Variants in NFIX observed in about 807,000 individuals in gnomAD.
NFIX encodes nuclear factor 1 X-type.
NFIX carries 2 observed loss-of-function variants against 53.3 expected under a neutral mutation model. The ratio of observed to expected loss-of-function variants is 0.04; its 90% confidence interval spans 0.02 to 0.12. NFIX has a LOEUF of 0.12. Ranked by LOEUF, NFIX falls within the 10% of genes least tolerant of loss-of-function variation. The pLI, the probability that NFIX is intolerant of heterozygous loss-of-function variation, is 1.00. For synonymous variants in NFIX, 244 were observed against 289.0 expected (o/e 0.84, Z 1.58); for missense variants, 310 against 674.5 (o/e 0.46, Z 5.99).
intron 1 of NFIX, among the ~76,000 whole-genome samples, chr19:13,010,451 A>G (rs1031045715): frequency 2.6e-5 from 4 of 152,264 alleles, no homozygotes; most frequent in African/African-American, 9.6e-5. Context: ...GGTCCGCAGC[A>G]TGCCCTTGCC....
At position 13,097,251 on chromosome 19, in the gene NFIX, G is replaced by A. The variant is rs1286225483; in HGVS notation, c.*2602G>A. ...ATGATCTGGGGTTTTTATTTGTTTCGTCGTTCGTTCTGTTTCGGTGGGAGG... is the reference window on the plus strand; with the variant it reads ...ATGATCTGGGGTTTTTATTTGTTTCATCGTTCGTTCTGTTTCGGTGGGAGG... On this transcript the variant is annotated 3_prime_UTR_variant, in exon 11 of 11. Coordinates refer to ENST00000592199, the MANE Select transcript of NFIX (RefSeq NM_001365902.3). The A allele has an allele frequency of 7.0e-6, 1 of 142,092 alleles. No homozygotes were observed. The highest frequency in any genetic ancestry group is 1.5e-5 in the Non-Finnish European group (1 of 65,458). 8.8% of individuals were successfully genotyped at this position (142,092 alleles called of 1,614,324 possible). A position where few individuals can be genotyped will look rare whatever the true frequency, so the allele number is the denominator to read the frequency against.
At chr19:13,018,996 T>C (rs1028901762) in intron 1 of NFIX, among the ~76,000 whole-genome samples, 1 of 152,222 alleles carries the variant, frequency 6.6e-6, no homozygotes, top group Non-Finnish European at 1.5e-5. Context: ...GTCATTTCTG[T>C]GAAGTTTTGT....
chr19:13,041,905 T>A (rs576038121), intron 2 of NFIX, among the ~76,000 whole-genome samples: 1 of 152,204 alleles, frequency 6.6e-6, no homozygotes, highest in Non-Finnish European at 1.5e-5. Flanking sequence ...TTTGTTTGTT[T>A]GTTAGTTTTT....
In NFIX at chr19:12,998,065, C is replaced by A. The variant is rs527536437; in HGVS notation, c.27+2201C>A. ...CAATCACATCTCTGTTTTTACAAAT[C>A]TTTCTGCTTCCATGGTTTGCCCCGC... On this transcript the variant is annotated intron_variant, in intron 1 of 10. Transcript: ENST00000592199. The surrounding 1 kb of genome is among the most constrained non-coding windows in gnomAD (Gnocchi z 4.4). Among the ~76,000 whole-genome samples the A allele has an allele frequency of 1.3e-5, 2 of 152,272 alleles. No homozygotes were observed. The highest frequency in any genetic ancestry group is 4.2e-4 in the South Asian group (2 of 4,816).
rs2018031613 is a variant in NFIX, at chr19:13,089,929, GC to G, written c.1403-367del. Among the ~76,000 whole-genome samples, 1 of 152,186 alleles carries G rather than the reference GC, an allele frequency of 6.6e-6. No individual in the cohort carries two copies. Among genetic ancestry groups the G allele is most frequent in the African/African-American group, 2.4e-5 (1 of 41,444 alleles). On this transcript the variant is annotated intron_variant, in intron 9 of 10. Coordinates refer to ENST00000592199, the MANE Select transcript of NFIX (RefSeq NM_001365902.3). This position sits in a 1 kb window ranked among gnomAD's most constrained non-coding sequence, Gnocchi z 4.8. Reference sequence around the variant, plus strand: ...GGGGACCAGGGCTATCCCCAGCCCTGCCCAGTGCCTCACTAGCGGGTGGAAC... The same window carrying G: ...GGGGACCAGGGCTATCCCCAGCCCTGCCAGTGCCTCACTAGCGGGTGGAAC...
chr19:13,061,137 A>G (rs2016060723), intron 2 of NFIX, among the ~76,000 whole-genome samples: 1 of 136,714 alleles, frequency 7.3e-6, no homozygotes, highest in Admixed American at 7.5e-5. Context: ...AGCAGGCAGG[A>G]TTCAGAGCGG....
rs2014202016 is a variant in NFIX, at chr19:13,036,533, G to A, written c.559+10981G>A. Among the ~76,000 whole-genome samples, 2 of 152,136 alleles carry A rather than the reference G, an allele frequency of 1.3e-5. No homozygotes were observed. The highest frequency in any genetic ancestry group is 4.8e-5 in the African/African-American group (2 of 41,426). Reference sequence around the variant, plus strand: ...TGACACCTGGTGACTCTTGTGGACTGGGCGGAGCTGTGTGGAGCGATCGGG... The same window carrying A: ...TGACACCTGGTGACTCTTGTGGACTAGGCGGAGCTGTGTGGAGCGATCGGG... On this transcript the variant is annotated intron_variant, in intron 2 of 10. Transcript: ENST00000592199. This position sits in a 1 kb window ranked among gnomAD's most constrained non-coding sequence, Gnocchi z 4.7.
At chr19:13,033,145 G>A (rs1179892059) in intron 2 of NFIX, among the ~76,000 whole-genome samples, 3 of 152,164 alleles carry the variant, frequency 2.0e-5, no homozygotes, top group East Asian at 1.9e-4. Context: ...CAAGGGCACC[G>A]TGGAAAACAG....
chr19:13,091,581 ATGAACT>A (rs2018140989), intron 10 of NFIX, among the ~76,000 whole-genome samples: 1 of 152,026 alleles, frequency 6.6e-6, no homozygotes, highest in African/African-American at 2.4e-5. Context: ...TAACACCCAG[ATGAACT>A]TGAACTTGGG....
Position 13,012,878 on chromosome 19 carries a change from G to A in NFIX, c.28-12143G>A, listed in dbSNP as rs1308512482. 6.6e-6 allele frequency among the ~76,000 whole-genome samples: 1 copy of A among 152,024 alleles called. No individual in the cohort carries two copies. The highest frequency in any genetic ancestry group is 1.5e-5 in the Non-Finnish European group (1 of 67,998). On this transcript the variant is annotated intron_variant, in intron 1 of 10. Coordinates refer to ENST00000592199, the MANE Select transcript of NFIX (RefSeq NM_001365902.3). This position sits in a 1 kb window ranked among gnomAD's most constrained non-coding sequence, Gnocchi z 5.0. ...GAGGAGCCTCACCTTCAATCCCCGAGCCTTCTCTTTTGGGGGAGTAAAGGC... is the reference window on the plus strand; with the variant it reads ...GAGGAGCCTCACCTTCAATCCCCGAACCTTCTCTTTTGGGGGAGTAAAGGC...
At chr19:13,092,486 C>T (rs2018202236) in intron 10 of NFIX, among the ~76,000 whole-genome samples, 1 of 152,234 alleles carries the variant, frequency 6.6e-6, no homozygotes, top group South Asian at 2.1e-4. Context: ...TTGTCCCCAA[C>T]TGTACAGCTC....
intron 6 of NFIX, among the ~76,000 whole-genome samples, chr19:13,075,899 A>G (rs2145444462): frequency 6.6e-6 from 1 of 152,274 alleles, no homozygotes; most frequent in East Asian, 1.9e-4. Flanking sequence ...AGCCCGTGGT[A>G]TGGCGGTGGG....
rs1020112938 is a variant in NFIX at position 13,049,475 on chromosome 19, A to G, written c.560-23572A>G. Among the ~76,000 whole-genome samples the G allele has an allele frequency of 2.0e-5, 3 of 151,978 alleles. No homozygotes were observed. Among genetic ancestry groups the G allele is most frequent in the African/African-American group, 4.8e-5 (2 of 41,346 alleles). The stretch of plus-strand genomic sequence containing the variant: ...CTGCTTTGTTTCTATGGATTTGCCT[A>G]GTTGTGGATGTTTCATATAAATGAG... On this transcript the variant is annotated intron_variant, in intron 2 of 10. Coordinates refer to ENST00000592199, the MANE Select transcript of NFIX (RefSeq NM_001365902.3). This position sits in a 1 kb window ranked among gnomAD's most constrained non-coding sequence, Gnocchi z 4.5.
In NFIX at chr19:13,042,554, C is replaced by T. The variant is rs551639858; in HGVS notation, c.559+17002C>T. On this transcript the variant is annotated intron_variant, in intron 2 of 10. Transcript: ENST00000592199. ...TGTGTTTTTAGTAGAGACGGGATTTCGCCATGTTGGCCAGCCTGGTCTTGA... is the reference window on the plus strand; with the variant it reads ...TGTGTTTTTAGTAGAGACGGGATTTTGCCATGTTGGCCAGCCTGGTCTTGA... 1.9e-3 allele frequency among the ~76,000 whole-genome samples: 286 copies of T among 151,932 alleles called. 7 individuals carry two copies. In the South Asian group the frequency reaches 0.038, roughly 20 times the overall value.
At position 13,036,204 on chromosome 19, in the gene NFIX, T is replaced by C. The variant is rs2014176003; in HGVS notation, c.559+10652T>C. ...CCAAGTCTCCTAGGAAGGCGAGGGCTCTCCTTCGTGTGGAGTAGACCCTTC... is the reference window on the plus strand; with the variant it reads ...CCAAGTCTCCTAGGAAGGCGAGGGCCCTCCTTCGTGTGGAGTAGACCCTTC... On this transcript the variant is annotated intron_variant, in intron 2 of 10. Transcript: ENST00000592199. This position sits in a 1 kb window ranked among gnomAD's most constrained non-coding sequence, Gnocchi z 4.7. Among the ~76,000 whole-genome samples the C allele has an allele frequency of 6.6e-6, 1 of 152,174 alleles. No homozygotes were observed. The highest frequency in any genetic ancestry group is 1.5e-5 in the Non-Finnish European group (1 of 68,028).
At position 13,067,166 on chromosome 19, in the gene NFIX, C is replaced by CT. The variant is rs2016457496; in HGVS notation, c.560-5880dup. ...AGAGAAGTAGGAGGCGGGTGCAGTG[C>CT]TGGGAGGGCCAGTGATTGGCCCCAG... On this transcript the variant is annotated intron_variant, in intron 2 of 10. Coordinates refer to ENST00000592199, the MANE Select transcript of NFIX (RefSeq NM_001365902.3). The surrounding 1 kb of genome is among the most constrained non-coding windows in gnomAD (Gnocchi z 4.2). Among the ~76,000 whole-genome samples the CT allele has an allele frequency of 6.6e-6, 1 of 152,208 alleles. No individual in the cohort carries two copies. The highest frequency in any genetic ancestry group is 2.1e-4 in the South Asian group (1 of 4,834).
At chr19:13,055,441 C>T (rs1424089126) in intron 2 of NFIX, among the ~76,000 whole-genome samples, 4 of 152,222 alleles carry the variant, frequency 2.6e-5, no homozygotes, top group Admixed American at 2.6e-4. Flanking sequence ...CTCACCGCCT[C>T]GGCATCTGCC....
intron 2 of NFIX, among the ~76,000 whole-genome samples, chr19:13,053,824 T>TG (rs1490632448): frequency 6.6e-6 from 1 of 151,950 alleles, no homozygotes; most frequent in African/African-American, 2.4e-5. Flanking sequence ...GGTTGAGGTG[T>TG]GGGGGAACAG....
At chr19:13,092,432 GTCTT>G in intron 10 of NFIX, among the ~76,000 whole-genome samples, 1 of 152,184 alleles carries the variant, frequency 6.6e-6, no homozygotes, top group South Asian at 2.1e-4. Flanking sequence ...TGGAACCAGA[GTCTT>G]CCTTCCCTGA....
Sources: gnomAD v4.1 joint callset for allele counts (sites outside exome capture counted in the v4.1 genomes callset) on GRCh38, gnomAD v4.1.1 for gene constraint, Gnocchi (gnomAD v3.1) non-coding constraint, MANE v1.5 for transcripts, NCBI Gene and HGNC (gene_info 2026-07-23, HGNC 2026-07-21) for gene names.